PCSK4: variants seen among roughly 807,000 people sequenced by gnomAD.
PCSK4 encodes testicular tissue protein Li 135.
Under a neutral mutation model 80.3 loss-of-function variants are expected in PCSK4, and 64 were observed. The ratio of observed to expected loss-of-function variants is 0.80; its 90% CI spans 0.65 to 0.98. The LOEUF is 0.98. Among genes scored for constraint, PCSK4 ranks in the 50% least tolerant of loss-of-function variants. PCSK4 has a pLI of 0.00. For missense variants in PCSK4, 1,213 were observed against 1,093.6 expected (o/e 1.11, Z -1.54); for synonymous variants, 561 against 487.6 (o/e 1.15, Z -1.98).
At position 1,487,078 on chromosome 19, in the gene PCSK4, G is replaced by A. The variant is rs1484640954; in HGVS notation, c.856-13C>T. 2.5e-6 allele frequency: 4 copies of A among 1,602,738 alleles called. No individual in the cohort carries two copies. The highest frequency in any genetic ancestry group is 2.7e-5 in the African/African-American group (2 of 74,746). ...GCCCGCCGCGGCCCTGGGAAACCAG[G>A]AGGGGCGGGGAGGGGGCGTCGGCCT... On this transcript the variant is annotated splice_polypyrimidine_tract_variant and intron_variant, in intron 7 of 14. Transcript: ENST00000300954.
chr19:1,482,056 G>A (rs1338623889), exon 15 of PCSK4: 1 of 1,557,034 alleles, frequency 6.4e-7, no homozygotes. Flanking sequence ...CGCGGCAGGT[G>A]TAGCAGGAGG....
Position 1,483,441 on chromosome 19 carries a change from T to C in PCSK4, c.1414A>G (p.Ile472Val), listed in dbSNP as rs2084417340. The change falls in exon 12 of 15, where the codon ATC becomes GTC. Residue 472 changes from isoleucine to valine, a missense_variant. Coordinates refer to ENST00000300954, the Ensembl canonical transcript of PCSK4. The stretch of plus-strand genomic sequence containing the variant: ...GCGCAGGCCGATACGTTTTCCCTGA[T>C]GTAGATCAGCGGCAGGATGGGGCTG... 5 of 1,595,798 alleles carry C rather than the reference T, an allele frequency of 3.1e-6. No individual in the cohort carries two copies. In the African/African-American group the frequency reaches 5.4e-5, roughly 17 times the overall value.
intron 6 of PCSK4, 86 bp downstream of exon 6, chr19:1,487,517 T>G (rs973057313): frequency 3.3e-6 from 4 of 1,227,910 alleles, no homozygotes; most frequent in East Asian, 2.5e-5. Context: ...GAGGGTGGGC[T>G]CCCGAGTCCT....
At chr19:1,485,361 G>A (rs1165194538) in intron 8 of PCSK4, among the ~76,000 whole-genome samples, 50 of 150,520 alleles carry the variant, frequency 3.3e-4, no homozygotes, top group Admixed American at 3.3e-3. Flanking sequence ...CTGAGGAGTT[G>A]GAGACCAGCC....
rs754568709 is a variant in PCSK4, at chr19:1,483,503, T to TG, written c.1392-41dup. 2.0e-5 allele frequency: 10 copies of TG among 494,246 alleles called. No individual in the cohort carries two copies. The South Asian group carries it at 2.4e-4, about 12-fold the overall frequency. The allele number at this position is 494,246 out of a possible 1,614,324, so 30.6% of individuals were successfully genotyped here. ...GGGTGAGGACCCTCCTGCGGCCTGC[T>TG]GGGGGGTGGGTGGGCGGCCAGCAGG... On this transcript the variant is annotated intron_variant, in intron 11 of 14. Transcript: ENST00000300954.
In PCSK4 at chr19:1,482,142, TG is replaced by T. The variant is rs747951810; in HGVS notation, c.1884del (p.Phe628LeufsTer7). 2.6e-6 allele frequency: 4 copies of T among 1,558,778 alleles called. No homozygotes were observed. In the East Asian group the frequency reaches 9.5e-5, roughly 37 times the overall value. ...CCAGCGGTCACCAGCCTTGTGTGGT[TG>T]AAGAACCGCGGGGGGCAGTAGGCCA... On this transcript the variant is annotated frameshift_variant, in exon 15 of 15. Transcript: ENST00000300954. LOFTEE classifies it low-confidence loss of function (END_TRUNC).
exon 12 of PCSK4, chr19:1,483,319 G>T (rs1415084705): frequency 6.2e-7 from 1 of 1,608,784 alleles, no homozygotes. Context: ...TGCCCATGGG[G>T]CTGGTGAGCG....
At chr19:1,489,764 C>T (rs753733189) in intron 2 of PCSK4, 29 bp downstream of exon 2, 3 of 1,587,730 alleles carry the variant, frequency 1.9e-6, no homozygotes, top group Non-Finnish European at 2.6e-6. Context: ...AGACCCCGGG[C>T]AGGGGGTTGG....
chr19:1,490,248 G>A, exon 1 of PCSK4: 1 of 1,611,928 alleles, frequency 6.2e-7, no homozygotes, highest in Non-Finnish European at 8.5e-7. Context: ...TGCTGACATA[G>A]ATGGGGGCTC....
At chr19:1,486,815 G>A in intron 8 of PCSK4, 38 bp downstream of exon 8, 1 of 1,528,104 alleles carries the variant, frequency 6.5e-7, no homozygotes, top group Non-Finnish European at 8.9e-7. Flanking sequence ...GGATGGCAGG[G>A]CCTGGGGAGG....
chr19:1,482,253 A>G, intron 14 of PCSK4, 46 bp from the exon 15 acceptor site: 1 of 1,524,882 alleles, frequency 6.6e-7, no homozygotes, highest in Non-Finnish European at 8.8e-7. Flanking sequence ...TGCCACCCGC[A>G]GCCTGTTACT....
intron 8 of PCSK4, among the ~76,000 whole-genome samples, chr19:1,485,609 C>T (rs2084560804): frequency 6.6e-6 from 1 of 151,314 alleles, no homozygotes; most frequent in South Asian, 2.1e-4. Context: ...CTGTGGCTCA[C>T]ACCTGTAATC....
chr19:1,482,816 T>A, intron 13 of PCSK4, 80 bp downstream of exon 13: 1 of 1,498,288 alleles, frequency 6.7e-7, no homozygotes, highest in East Asian at 2.3e-5. Context: ...TGCAGTGCGG[T>A]CACCAAGGCT....
intron 4 of PCSK4, 48 bp downstream of exon 4, chr19:1,487,916 G>C (rs1229605182): frequency 6.3e-7 from 1 of 1,584,200 alleles, no homozygotes; most frequent in East Asian, 2.2e-5. Flanking sequence ...GGTGGTGCCA[G>C]CCTCGGCACC....
At position 1,482,337 on chromosome 19, in the gene PCSK4, C is replaced by T. The variant is rs1415588963; in HGVS notation, c.1819+16G>A. The T allele has an allele frequency of 6.5e-7, 1 of 1,537,504 alleles. No individual in the cohort carries two copies. The highest frequency in any genetic ancestry group is 1.4e-5 in the African/African-American group (1 of 73,104). On this transcript the variant is annotated intron_variant, in intron 14 of 14. Coordinates refer to ENST00000300954, the Ensembl canonical transcript of PCSK4. ...CACCGCCTCCCAGCAGTGGGCCCTG[C>T]CCCGCCGGCACTCACCCTGGCACAG...
exon 15 of PCSK4, chr19:1,482,074 G>A: frequency 1.9e-6 from 3 of 1,553,996 alleles, no homozygotes; most frequent in East Asian, 2.4e-5. Flanking sequence ...AGGCATGGCA[G>A]CTGGAGCAGA....
chr19:1,484,153 G>A (rs1249796032), intron 8 of PCSK4, 26 bp from the exon 9 acceptor site: 3 of 1,307,288 alleles, frequency 2.3e-6, no homozygotes, highest in South Asian at 1.3e-5. Flanking sequence ...GGTGGGACTC[G>A]GGGGGCCGTG....
At position 1,487,598 on chromosome 19, in the gene PCSK4, G is replaced by C; in HGVS notation, c.682+5C>G. 1.3e-6 allele frequency: 2 copies of C among 1,549,094 alleles called. No individual in the cohort carries two copies. Among genetic ancestry groups the C allele is most frequent in the Non-Finnish European group, 1.7e-6 (2 of 1,145,956 alleles). ...GGAATGGTGCCGCTGGGGGACCCCG[G>C]GTACCTCCGATTCGGGCGTTGAAAG... On this transcript the variant is annotated splice_donor_5th_base_variant and intron_variant, in intron 6 of 14. Transcript: ENST00000300954.
exon 3 of PCSK4, chr19:1,488,190 T>A: frequency 6.2e-7 from 1 of 1,613,604 alleles, no homozygotes; most frequent in South Asian, 1.1e-5. Context: ...CTGCTCACCA[T>A]GTACCACTGC....
Sources: gnomAD v4.1 joint callset for allele counts (sites outside exome capture counted in the v4.1 genomes callset) on GRCh38, gnomAD v4.1.1 for gene constraint, MANE v1.5 for transcripts, NCBI Gene and HGNC (gene_info 2026-07-23, HGNC 2026-07-21) for gene names.